THSD4: variants seen among roughly 807,000 people sequenced by gnomAD.
The protein encoded by THSD4 is thrombospondin type 1 domain containing 4.
Under a neutral mutation model 119.0 loss-of-function variants are expected in THSD4, and 69 were observed. That is an observed-to-expected ratio of 0.58 (90% confidence interval 0.48 to 0.71). THSD4 has a LOEUF of 0.71. Ranked by LOEUF, THSD4 falls within the 30% of genes least tolerant of loss-of-function variation. The pLI is 0.00. For synonymous variants in THSD4, 524 were observed against 540.4 expected (o/e 0.97, Z 0.42); for missense variants, 1,393 against 1,391.1 (o/e 1.00, Z -0.02).
chr15:71,443,845 A>C (rs2047143902), intron 7 of THSD4, among the ~76,000 whole-genome samples: 1 of 152,272 alleles, frequency 6.6e-6, no homozygotes, highest in African/African-American at 2.4e-5. Flanking sequence ...GCAAAGGTGC[A>C]TAACAAATAC....
chr15:71,722,701 T>C (rs193300519), intron 8 of THSD4, among the ~76,000 whole-genome samples: 21 of 152,288 alleles, frequency 1.4e-4, no homozygotes, highest in African/African-American at 4.6e-4. Flanking sequence ...TACATGCATA[T>C]GGTAAAACAA....
intron 6 of THSD4, among the ~76,000 whole-genome samples, chr15:71,284,838 C>A (rs184977818): frequency 6.6e-6 from 1 of 151,866 alleles, no homozygotes; most frequent in Non-Finnish European, 1.5e-5. Context: ...TAAAAAAAAA[C>A]AATTCAACAG....
intron 7 of THSD4, among the ~76,000 whole-genome samples, chr15:71,641,183 T>TA (rs958606861): frequency 1.2e-4 from 18 of 152,172 alleles, no homozygotes; most frequent in African/African-American, 4.3e-4. Flanking sequence ...ACAGAGATTA[T>TA]AACATTAATC....
At chr15:71,511,020 T>C (rs187490749) in intron 7 of THSD4, among the ~76,000 whole-genome samples, 1 of 111,514 alleles carries the variant, frequency 9.0e-6, no homozygotes, top group Admixed American at 9.0e-5. Context: ...GCTGAGCTTA[T>C]GTTTGGTGAT....
At chr15:71,374,739 G>A (rs2046107577) in intron 6 of THSD4, among the ~76,000 whole-genome samples, 1 of 152,270 alleles carries the variant, frequency 6.6e-6, no homozygotes, top group South Asian at 2.1e-4. Context: ...AATTAAGGCA[G>A]CAAAGGAAAA....
intron 7 of THSD4, among the ~76,000 whole-genome samples, chr15:71,503,634 C>T: frequency 6.6e-6 from 1 of 152,112 alleles, no homozygotes; most frequent in East Asian, 1.9e-4. Context: ...TTTGAGGCCA[C>T]CCTGCCTTCC....
intron 8 of THSD4, among the ~76,000 whole-genome samples, chr15:71,694,532 T>A (rs2052122824): frequency 6.6e-6 from 1 of 152,264 alleles, no homozygotes; most frequent in Non-Finnish European, 1.5e-5. Context: ...TTAATTGAAA[T>A]TTTTATTGAA....
At chr15:71,125,770 C>T (rs1156442851) in intron 1 of THSD4, among the ~76,000 whole-genome samples, 1 of 152,254 alleles carries the variant, frequency 6.6e-6, no homozygotes, top group African/African-American at 2.4e-5. Context: ...GCCAGAACCT[C>T]TCCAGATGGA....
chr15:71,677,154 G>A (rs2051669105), intron 8 of THSD4, among the ~76,000 whole-genome samples: 3 of 152,256 alleles, frequency 2.0e-5, no homozygotes, highest in East Asian at 1.9e-4. Context: ...GGCACCAATG[G>A]TCAGCTCTGA....
intron 3 of THSD4, among the ~76,000 whole-genome samples, chr15:71,157,638 C>T (rs1289720993): frequency 1.3e-5 from 2 of 149,016 alleles, no homozygotes; most frequent in East Asian, 3.9e-4. Context: ...TCTCCTCAGT[C>T]TCTGGTAACC....
intron 6 of THSD4, among the ~76,000 whole-genome samples, chr15:71,274,559 G>A (rs1017116056): frequency 1.3e-5 from 2 of 152,120 alleles, no homozygotes; most frequent in Non-Finnish European, 2.9e-5. Flanking sequence ...TGCTGGTCTA[G>A]TTCTTCTCCC....
chr15:71,165,423 T>C, intron 3 of THSD4: 4 of 1,482,312 alleles, frequency 2.7e-6, no homozygotes, highest in African/African-American at 1.4e-5. Flanking sequence ...CCATGTTTAG[T>C]TATTTTTCCT....
chr15:71,541,152 T>C (rs2048754749), intron 7 of THSD4, among the ~76,000 whole-genome samples: 1 of 152,186 alleles, frequency 6.6e-6, no homozygotes, highest in African/African-American at 2.4e-5. Context: ...AAAAGTAAAA[T>C]GAAACAAGTG....
chr15:71,679,579 A>G (rs2051730452), intron 8 of THSD4, among the ~76,000 whole-genome samples: 1 of 152,204 alleles, frequency 6.6e-6, no homozygotes, highest in Non-Finnish European at 1.5e-5. Flanking sequence ...AAGAAGCAGC[A>G]CAAGCTAAGG....
intron 6 of THSD4, among the ~76,000 whole-genome samples, chr15:71,327,493 T>C (rs2045361385): frequency 6.6e-6 from 1 of 152,182 alleles, no homozygotes; most frequent in Non-Finnish European, 1.5e-5. Context: ...TTTTAATATG[T>C]ATAATATTTA....
intron 8 of THSD4, among the ~76,000 whole-genome samples, chr15:71,694,199 T>C (rs1200953224): frequency 6.6e-6 from 1 of 152,226 alleles, no homozygotes; most frequent in African/African-American, 2.4e-5. Flanking sequence ...TTTCCATCTA[T>C]GTTCTGGTGG....
intron 6 of THSD4, among the ~76,000 whole-genome samples, chr15:71,330,461 T>C (rs1182039718): frequency 2.0e-5 from 3 of 152,202 alleles, no homozygotes; most frequent in Non-Finnish European, 2.9e-5. Context: ...CTAACTCTGC[T>C]AAAATCCAGG....
intron 7 of THSD4, among the ~76,000 whole-genome samples, chr15:71,451,958 G>A (rs939739869): frequency 6.6e-6 from 1 of 152,150 alleles, no homozygotes; most frequent in Non-Finnish European, 1.5e-5. Context: ...ACAGGGAGGC[G>A]ACTCTTGGTT....
intron 10 of THSD4, among the ~76,000 whole-genome samples, chr15:71,735,588 CTCTCTCTCTTGCTCTCTG>C (rs968163739): frequency 7.2e-5 from 11 of 151,900 alleles, no homozygotes; most frequent in African/African-American, 2.2e-4. Context: ...CTGTTTCTCT[CTCTCTCTCTTGCTCTCTG>C]TCTCTCTTGC....
Sources: allele counts gnomAD v4.1 joint callset (sites outside exome capture counted in the v4.1 genomes callset), GRCh38; gene constraint gnomAD v4.1.1; transcripts MANE v1.5; gene names NCBI Gene and HGNC (gene_info 2026-07-23, HGNC 2026-07-21).